NRXN2: variants seen among roughly 807,000 people sequenced by gnomAD.
The protein encoded by NRXN2 is neurexin 2.
NRXN2 carries 29 observed loss-of-function variants against 128.8 expected under a neutral mutation model. The ratio of observed to expected loss-of-function variants is 0.23; its 90% CI spans 0.17 to 0.31. The LOEUF (loss-of-function observed/expected upper bound fraction) is 0.31. NRXN2 is among the 10% of genes least tolerant of loss of function. The pLI is 1.00. For missense variants in NRXN2, 1,881 were observed against 2,452.6 expected, an observed-to-expected ratio of 0.77 and a Z score of 4.92; for synonymous variants, 1,098 against 1,075.2, an observed-to-expected ratio of 1.02 and a Z score of -0.41.
At chr11:64,664,662 G>A (rs1037287449) in intron 9 of NRXN2, among the ~76,000 whole-genome samples, 2 of 152,122 alleles carry the variant, frequency 1.3e-5, no homozygotes, top group Admixed American at 1.3e-4. Flanking sequence ...TCTCGGAATA[G>A]CTGCCCCAAG....
chr11:64,610,652 G>T (rs1449580207), intron 22 of NRXN2, among the ~76,000 whole-genome samples: 1 of 152,164 alleles, frequency 6.6e-6, no homozygotes. Flanking sequence ...TGAGGCCAAG[G>T]CTTGGCTCTT....
Position 64,607,186 on chromosome 11 carries a change from T to C in NRXN2, c.*10A>G, listed in dbSNP as rs372794863. 3 of 1,610,770 alleles carry C rather than the reference T, an allele frequency of 1.9e-6. No individual in the cohort carries two copies. Among genetic ancestry groups the C allele is most frequent in the Non-Finnish European group, 1.7e-6 (2 of 1,177,856 alleles). The stretch of plus-strand genomic sequence containing the variant: ...AGGGGCAGCTGGCAGTGGGGCGCAG[T>C]GCCGGGGGCTCAGACATAATACTCC... On this transcript the variant is annotated 3_prime_UTR_variant, in exon 23 of 23. Coordinates refer to ENST00000265459, the MANE Select transcript of NRXN2 (RefSeq NM_015080.4).
chr11:64,719,640 C>G (rs879454655), intron 1 of NRXN2, among the ~76,000 whole-genome samples: 2 of 152,102 alleles, frequency 1.3e-5, no homozygotes, highest in Non-Finnish European at 2.9e-5. Flanking sequence ...AATGGAATGA[C>G]TTGGTGGAGT....
At chr11:64,717,036 C>G (rs2057324450) in intron 1 of NRXN2, among the ~76,000 whole-genome samples, 1 of 152,092 alleles carries the variant, frequency 6.6e-6, no homozygotes, top group Admixed American at 6.5e-5. Flanking sequence ...CTGGGATGCT[C>G]CATCCTTCCT....
intron 2 of NRXN2, among the ~76,000 whole-genome samples, chr11:64,708,535 A>G (rs2056569226): frequency 6.6e-6 from 1 of 152,100 alleles, no homozygotes; most frequent in Non-Finnish European, 1.5e-5. Context: ...AGCCACTCCC[A>G]CTGAGCTCTG....
At chr11:64,620,770 G>A (rs2042219058) in intron 21 of NRXN2, among the ~76,000 whole-genome samples, 2 of 150,090 alleles carry the variant, frequency 1.3e-5, no homozygotes, top group Non-Finnish European at 3.0e-5. Flanking sequence ...AGCGCAGGCA[G>A]AATAGGGCCA....
intron 7 of NRXN2, among the ~76,000 whole-genome samples, chr11:64,673,848 G>T (rs551591715): frequency 5.3e-4 from 80 of 152,150 alleles, no homozygotes; most frequent in African/African-American, 1.8e-3. Flanking sequence ...AGACCAGCCT[G>T]GCAACACGGT....
chr11:64,665,785 T>C (rs2049767375), intron 9 of NRXN2, among the ~76,000 whole-genome samples: 1 of 152,216 alleles, frequency 6.6e-6, no homozygotes, highest in Non-Finnish European at 1.5e-5. Context: ...TTAAATTGGA[T>C]AATGTGTCAG....
intron 17 of NRXN2, among the ~76,000 whole-genome samples, chr11:64,641,060 G>A (rs2045589697): frequency 6.6e-6 from 1 of 152,122 alleles, no homozygotes; most frequent in African/African-American, 2.4e-5. Context: ...GGCCACCTGG[G>A]TACAAAGCGA....
intron 7 of NRXN2, among the ~76,000 whole-genome samples, chr11:64,674,118 C>A (rs1296200290): frequency 6.6e-6 from 1 of 151,552 alleles, no homozygotes; most frequent in African/African-American, 2.4e-5. Context: ...GGCTCATGCA[C>A]TCTTCCCATC....
intron 22 of NRXN2, among the ~76,000 whole-genome samples, chr11:64,617,705 G>A (rs1159352354): frequency 2.0e-5 from 3 of 152,328 alleles, no homozygotes; most frequent in African/African-American, 7.2e-5. Flanking sequence ...CCGTCTGCTG[G>A]AGAAAAGCCT....
chr11:64,642,610 T>C, intron 17 of NRXN2: 1 of 1,610,002 alleles, frequency 6.2e-7, no homozygotes, highest in Non-Finnish European at 8.5e-7. Flanking sequence ...GCTGTGGAAG[T>C]GGTGGACGTG....
chr11:64,708,359 TG>T (rs960972130), intron 2 of NRXN2, among the ~76,000 whole-genome samples: 2 of 152,242 alleles, frequency 1.3e-5, no homozygotes, highest in African/African-American at 2.4e-5. Flanking sequence ...TCACTCCACC[TG>T]AGGTCTCACA....
chr11:64,642,587 C>G (rs2045875400), intron 17 of NRXN2: 1 of 1,610,224 alleles, frequency 6.2e-7, no homozygotes, highest in Non-Finnish European at 8.5e-7. Flanking sequence ...GCGATGGGCA[C>G]GGTGCCGTGC....
chr11:64,661,397 T>C, intron 9 of NRXN2: 2 of 1,391,308 alleles, frequency 1.4e-6, no homozygotes, highest in Non-Finnish European at 9.3e-7. Flanking sequence ...CCTCTGTCCA[T>C]ACCCCTCCTC....
rs917890578 is a variant in NRXN2 at position 64,669,208 on chromosome 11, T to C, written c.1198-604A>G. On this transcript the variant is annotated intron_variant, in intron 7 of 22. Coordinates refer to ENST00000265459, the MANE Select transcript of NRXN2 (RefSeq NM_015080.4). ...AAATATTCCTGGGAAGTCTTGAAAC[T>C]TTCTGGGGTTGCCTATTGGGGTTGA... Among the ~76,000 whole-genome samples the C allele has an allele frequency of 2.6e-5, 4 of 152,270 alleles. No homozygotes were observed. The East Asian group carries it at 7.7e-4, about 29-fold the overall frequency.
At chr11:64,620,458 ACG>A in intron 21 of NRXN2, 86 bp from the exon 22 acceptor site, 2 of 1,065,628 alleles carry the variant, frequency 1.9e-6, no homozygotes, top group Non-Finnish European at 2.8e-6. Context: ...GCACGGTGGC[ACG>A]GGGGATGCCC....
chr11:64,623,278 C>T lies in NRXN2; in HGVS notation c.3848-200G>A. On this transcript the variant is annotated intron_variant, in intron 20 of 22. Coordinates refer to ENST00000265459, the MANE Select transcript of NRXN2 (RefSeq NM_015080.4). The surrounding 1 kb of genome is among the most constrained non-coding windows in gnomAD (Gnocchi z 4.9). ...TTGTCAGCCACAGCCCCTAGCCCAG[C>T]CAGGTGGGGACCCCAGAAGGGGAGG... 1.0e-6 allele frequency: 1 copy of T among 964,272 alleles called. No individual in the cohort carries two copies. Among genetic ancestry groups the T allele is most frequent in the Non-Finnish European group, 1.5e-6 (1 of 671,746 alleles). The allele number at this position is 964,272 out of a possible 1,614,324, so 59.7% of individuals were successfully genotyped here.
intron 19 of NRXN2, among the ~76,000 whole-genome samples, chr11:64,629,970 C>T (rs1176798267): frequency 1.3e-5 from 2 of 152,126 alleles, no homozygotes; most frequent in African/African-American, 4.8e-5. Flanking sequence ...AGCCCTGTCT[C>T]CTTGCCAAGA....
Sources: gnomAD v4.1 joint callset for allele counts (sites outside exome capture counted in the v4.1 genomes callset) on GRCh38, gnomAD v4.1.1 for gene constraint, Gnocchi (gnomAD v3.1) non-coding constraint, MANE v1.5 for transcripts, NCBI Gene and HGNC (gene_info 2026-07-23, HGNC 2026-07-21) for gene names.